The following LOXL2 variants were observed in gnomAD, a reference collection of about 807,000 sequenced individuals.
LOXL2 encodes lysyl oxidase like 2.
A neutral mutation model predicts 93.0 loss-of-function variants in LOXL2; 70 were observed. That is an observed-to-expected ratio of 0.75 (90% CI 0.62 to 0.92). The LOEUF (loss-of-function observed/expected upper bound fraction) is 0.92. Among genes scored for constraint, LOXL2 ranks in the 40% least tolerant of loss-of-function variants. The pLI, the probability that LOXL2 is intolerant of heterozygous loss-of-function variation, is 0.00. For missense variants in LOXL2, 973 were observed against 1,054.9 expected, an observed-to-expected ratio of 0.92 and a Z score of 1.08; for synonymous variants, 438 against 413.2, an observed-to-expected ratio of 1.06 and a Z score of -0.73.
At chr8:23,380,858 C>G (rs980755063) in intron 1 of LOXL2, among the ~76,000 whole-genome samples, 16 of 151,932 alleles carry the variant, frequency 1.1e-4, no homozygotes, top group African/African-American at 3.6e-4. Flanking sequence ...ACTAAAAATA[C>G]AAAAATTATC....
intron 1 of LOXL2, among the ~76,000 whole-genome samples, chr8:23,403,676 G>C (rs755137384): frequency 1.7e-4 from 26 of 151,908 alleles, no homozygotes; most frequent in Non-Finnish European, 3.5e-4. Flanking sequence ...ACGGGCGCTC[G>C]GGACGATCCA....
chr8:23,321,418 G>A (rs1803495890), intron 7 of LOXL2, among the ~76,000 whole-genome samples: 1 of 152,216 alleles, frequency 6.6e-6, no homozygotes, highest in South Asian at 2.1e-4. Flanking sequence ...TAGCTGGCAT[G>A]CAGTTCTAAC....
chr8:23,346,133 AAAAT>A (rs1284348781), intron 3 of LOXL2, among the ~76,000 whole-genome samples: 1 of 51,714 alleles, frequency 1.9e-5, no homozygotes, highest in African/African-American at 1.0e-4. Flanking sequence ...AAAATAAAAT[AAAAT>A]AAAATAAATA....
rs1421887469 is a variant in LOXL2, at chr8:23,332,400, TCATA to T, written c.966+997_966+1000del. On this transcript the variant is annotated intron_variant, in intron 5 of 13. Transcript: ENST00000389131. Reference sequence around the variant, plus strand: ...CACATACACACTCATACACACACACTCATACACACACCGCCACACACCCACAAAC... The same window carrying T: ...CACATACACACTCATACACACACACTCACACACCGCCACACACCCACAAAC... Among the ~76,000 whole-genome samples, 56 of 80,786 alleles carry T rather than the reference TCATA, an allele frequency of 6.9e-4. 2 individuals are homozygous for T. The highest frequency in any genetic ancestry group is 2.6e-3 in the East Asian group (6 of 2,296). The allele number at this position is 80,786 out of a possible 152,430, so 53.0% of individuals were successfully genotyped here.
At chr8:23,353,565 G>C (rs1804132221) in intron 3 of LOXL2, among the ~76,000 whole-genome samples, 1 of 152,242 alleles carries the variant, frequency 6.6e-6, no homozygotes, top group African/African-American at 2.4e-5. Context: ...GTCCGAAACT[G>C]AGAATATACA....
chr8:23,330,100 T>C (rs1291912401), intron 5 of LOXL2, among the ~76,000 whole-genome samples: 2 of 148,714 alleles, frequency 1.3e-5, no homozygotes, highest in South Asian at 2.1e-4. Context: ...CCAAGGCGGG[T>C]GGATCACGAG....
chr8:23,304,001 G>A (rs1241729652), intron 10 of LOXL2, among the ~76,000 whole-genome samples: 2 of 152,152 alleles, frequency 1.3e-5, no homozygotes, highest in South Asian at 2.1e-4. Flanking sequence ...CTGCAGCTTC[G>A]CCTCTGGCCC....
At chr8:23,309,192 C>T (rs909921115) in intron 10 of LOXL2, among the ~76,000 whole-genome samples, 1 of 152,004 alleles carries the variant, frequency 6.6e-6, no homozygotes, top group Non-Finnish European at 1.5e-5. Flanking sequence ...ACCGTGTTAG[C>T]CAGAATGGGC....
chr8:23,381,484 A>C (rs1804679724), intron 1 of LOXL2, among the ~76,000 whole-genome samples: 1 of 152,210 alleles, frequency 6.6e-6, no homozygotes, highest in Non-Finnish European at 1.5e-5. Flanking sequence ...TCTGGCTATG[A>C]CCATGTTTTC....
chr8:23,403,377 C>G (rs1039873420), intron 1 of LOXL2, among the ~76,000 whole-genome samples: 4 of 152,188 alleles, frequency 2.6e-5, no homozygotes, highest in Non-Finnish European at 4.4e-5. Flanking sequence ...GGCGCTCCCG[C>G]GCTCCCAACA....
intron 1 of LOXL2, among the ~76,000 whole-genome samples, chr8:23,400,878 G>A (rs1005453704): frequency 2.0e-5 from 3 of 152,168 alleles, no homozygotes. Flanking sequence ...AATGAGCTAG[G>A]AAACAAACCC....
chr8:23,303,125 G>C (rs867227049), intron 11 of LOXL2, among the ~76,000 whole-genome samples, 157 bp downstream of exon 11: 2 of 151,984 alleles, frequency 1.3e-5, no homozygotes, highest in African/African-American at 4.8e-5. Flanking sequence ...TGCCCCCAGC[G>C]CCTCACTATA....
intron 4 of LOXL2, chr8:23,337,312 G>T (rs1007281946): frequency 2.6e-5 from 4 of 152,336 alleles, no homozygotes; most frequent in African/African-American, 9.6e-5. Context: ...AGTGGCTGCT[G>T]TTCCTGCTGT....
intron 6 of LOXL2, among the ~76,000 whole-genome samples, chr8:23,324,674 C>T (rs1803549232): frequency 6.6e-6 from 1 of 152,144 alleles, no homozygotes; most frequent in African/African-American, 2.4e-5. Context: ...ACATACAAAC[C>T]CTGGCCTAGG....
intron 3 of LOXL2, among the ~76,000 whole-genome samples, chr8:23,356,098 C>T (rs1050363089): frequency 1.3e-5 from 2 of 152,132 alleles, no homozygotes; most frequent in African/African-American, 4.8e-5. Flanking sequence ...CTCCAGCAAT[C>T]TCTCCTAGTT....
chr8:23,349,095 T>A (rs1031246526), intron 3 of LOXL2, among the ~76,000 whole-genome samples: 1 of 152,144 alleles, frequency 6.6e-6, no homozygotes, highest in African/African-American at 2.4e-5. Context: ...CATGCGCCCA[T>A]TAAGCCCTAG....
rs182550456 is a variant in LOXL2, at chr8:23,352,423, T to C, written c.531+7667A>G. ...AGAGGTGAAAATAGGCCCCCTTTTT[T>C]CCCCAAACCACCCAGTGCAACCTCT... On this transcript the variant is annotated intron_variant, in intron 3 of 13. Coordinates refer to ENST00000389131, the MANE Select transcript of LOXL2 (RefSeq NM_002318.3). 4.1e-3 allele frequency among the ~76,000 whole-genome samples: 629 copies of C among 152,142 alleles called. 2 individuals are homozygous for C. Among genetic ancestry groups the C allele is most frequent in the East Asian group, 0.02 (105 of 5,160 alleles).
intron 5 of LOXL2, chr8:23,328,860 A>C (rs759133363): frequency 3.2e-5 from 11 of 340,898 alleles, no homozygotes; most frequent in Non-Finnish European, 4.9e-5. Flanking sequence ...CCCATTGGGG[A>C]CCGTCGATCA....
In LOXL2 at chr8:23,374,735, G is replaced by A. The variant is rs531161393; in HGVS notation, c.-83-6301C>T. Reference sequence around the variant, plus strand: ...GCATTTATTCATGTGTCTGTTGGCTGCATAAATGTCTTCTTTTGAGAAGTG... The same window carrying A: ...GCATTTATTCATGTGTCTGTTGGCTACATAAATGTCTTCTTTTGAGAAGTG... On this transcript the variant is annotated intron_variant, in intron 1 of 13. Transcript: ENST00000389131. 2.0e-5 allele frequency among the ~76,000 whole-genome samples: 3 copies of A among 152,316 alleles called. No individual in the cohort carries two copies. In the East Asian group the frequency reaches 5.8e-4, roughly 29 times the overall value.
Sources: allele counts gnomAD v4.1 joint callset (sites outside exome capture counted in the v4.1 genomes callset), GRCh38; gene constraint gnomAD v4.1.1; transcripts MANE v1.5; gene names NCBI Gene and HGNC (gene_info 2026-07-23, HGNC 2026-07-21).